Variants in ROBO2 observed in about 807,000 individuals in gnomAD.
ROBO2 encodes roundabout guidance receptor 2, also known as roundabout homolog 2.
Under a neutral mutation model 160.8 loss-of-function variants are expected in ROBO2, and 53 were observed. The ratio of observed to expected loss-of-function variants is 0.33; its 90% CI spans 0.26 to 0.41. ROBO2 has a LOEUF of 0.41. Among genes scored for constraint, ROBO2 ranks in the 10% least tolerant of loss-of-function variants. The pLI is 1.00. For synonymous variants in ROBO2, 664 were observed against 611.7 expected, an observed-to-expected ratio of 1.09 and a Z score of -1.26; for missense variants, 1,577 against 1,722.4, an observed-to-expected ratio of 0.92 and a Z score of 1.49.
intron 2 of ROBO2, among the ~76,000 whole-genome samples, chr3:76,174,618 GA>G (rs1176694806): frequency 3.2e-4 from 48 of 152,222 alleles, no homozygotes; most frequent in East Asian, 7.7e-4. Flanking sequence ...ATTAAATAGG[GA>G]ATCCTTTCCC....
intron 2 of ROBO2, among the ~76,000 whole-genome samples, chr3:77,220,372 T>C (rs766943318): frequency 9.9e-5 from 15 of 152,104 alleles, no homozygotes; most frequent in Non-Finnish European, 2.2e-4. Flanking sequence ...AAAAATTACA[T>C]TTTAACTGCA....
intron 2 of ROBO2, among the ~76,000 whole-genome samples, chr3:76,513,812 A>T (rs2081220851): frequency 6.6e-6 from 1 of 152,058 alleles, no homozygotes; most frequent in Admixed American, 6.6e-5. Flanking sequence ...CATCCTACCC[A>T]CTTCGGCCAA....
chr3:76,132,559 A>G (rs760991482), intron 2 of ROBO2, among the ~76,000 whole-genome samples: 2 of 152,108 alleles, frequency 1.3e-5, no homozygotes, highest in Admixed American at 6.6e-5. Context: ...TTCTGAAGGT[A>G]GCAGTTAAGT....
chr3:76,875,577 G>A (rs2072624648), intron 2 of ROBO2, among the ~76,000 whole-genome samples: 1 of 152,108 alleles, frequency 6.6e-6, no homozygotes, highest in African/African-American at 2.4e-5. Context: ...AGCCTCCAGA[G>A]GTCACCTGCT....
At chr3:76,507,322 G>A (rs766783770) in intron 2 of ROBO2, among the ~76,000 whole-genome samples, 13 of 151,784 alleles carry the variant, frequency 8.6e-5, no homozygotes, top group Non-Finnish European at 1.6e-4. Flanking sequence ...ATTTGATTAG[G>A]TTTTATAATT....
At chr3:75,971,899 C>A (rs1455965397) in intron 2 of ROBO2, among the ~76,000 whole-genome samples, 4 of 151,424 alleles carry the variant, frequency 2.6e-5, no homozygotes, top group Admixed American at 6.6e-5. Context: ...TCCACCTATC[C>A]AAAGTACATA....
At chr3:77,092,938 A>G (rs2070507119) in intron 1 of ROBO2, among the ~76,000 whole-genome samples, 1 of 151,928 alleles carries the variant, frequency 6.6e-6, no homozygotes, top group Non-Finnish European at 1.5e-5. Flanking sequence ...TGAACTTTGT[A>G]ATGGAAAATG....
chr3:75,945,247 G>A lies in ROBO2; in HGVS notation c.109+7645G>A, dbSNP rs564345514. ...AGTATCGTAAGTTAGATGGTGAAAAGTAATCCTGGATGGGGATCAGATTAT... is the reference window on the plus strand; with the variant it reads ...AGTATCGTAAGTTAGATGGTGAAAAATAATCCTGGATGGGGATCAGATTAT... On this transcript the variant is annotated intron_variant, in intron 2 of 26. Transcript: ENST00000487694. 7.4e-4 allele frequency among the ~76,000 whole-genome samples: 112 copies of A among 152,252 alleles called. 1 individual carries two copies. Among genetic ancestry groups the A allele is most frequent in the African/African-American group, 2.7e-3 (111 of 41,572 alleles).
At chr3:76,834,387 T>C (rs1419031426) in intron 2 of ROBO2, among the ~76,000 whole-genome samples, 2 of 151,682 alleles carry the variant, frequency 1.3e-5, no homozygotes, top group Admixed American at 1.3e-4. Context: ...ATTTTTGAGA[T>C]GAGGTCTCAC....
intron 2 of ROBO2, among the ~76,000 whole-genome samples, chr3:76,552,989 C>T (rs139163509): frequency 0.014 from 2,175 of 152,190 alleles, 26 homozygotes; most frequent in Middle Eastern, 0.058. Context: ...TCATTCCAGA[C>T]GCCCTGAATA....
intron 2 of ROBO2, among the ~76,000 whole-genome samples, chr3:77,246,178 A>T (rs1035225591): frequency 3.9e-5 from 6 of 152,164 alleles, no homozygotes; most frequent in African/African-American, 1.4e-4. Context: ...GTAAATGGAA[A>T]AGGAATAGTA....
At chr3:76,913,756 A>T (rs113230601) in intron 2 of ROBO2, among the ~76,000 whole-genome samples, 2 of 152,202 alleles carry the variant, frequency 1.3e-5, no homozygotes, top group African/African-American at 4.8e-5. Flanking sequence ...TTAGATGAGT[A>T]ACTGTGAATA....
intron 2 of ROBO2, among the ~76,000 whole-genome samples, chr3:76,154,772 C>A (rs1321312936): frequency 6.6e-6 from 1 of 152,122 alleles, no homozygotes; most frequent in Non-Finnish European, 1.5e-5. Flanking sequence ...ACCATCTTCT[C>A]AATTTTATTT....
chr3:76,360,582 A>G (rs956901229), intron 2 of ROBO2, among the ~76,000 whole-genome samples: 8 of 152,070 alleles, frequency 5.3e-5, no homozygotes, highest in Admixed American at 2.6e-4. Context: ...TCATCTAACA[A>G]TATCATCTGC....
chr3:77,029,705 G>A (rs1043523598), intron 2 of ROBO2, among the ~76,000 whole-genome samples: 2 of 152,010 alleles, frequency 1.3e-5, no homozygotes, highest in African/African-American at 2.4e-5. Flanking sequence ...ATTTTGATAT[G>A]ATCCTTATTA....
intron 2 of ROBO2, among the ~76,000 whole-genome samples, chr3:76,413,048 G>A (rs2075576491): frequency 6.6e-6 from 1 of 152,232 alleles, no homozygotes; most frequent in African/African-American, 2.4e-5. Context: ...TCAACACCAT[G>A]TGGAAGGTGC....
exon 1 of ROBO2, chr3:77,040,323 C>T: frequency 3.0e-6 from 3 of 994,754 alleles, no homozygotes; most frequent in Non-Finnish European, 2.4e-6. Context: ...AGAAGGAAAC[C>T]GGGGGAAAGA....
At chr3:76,948,766 C>T (rs1309995093) in intron 2 of ROBO2, among the ~76,000 whole-genome samples, 4 of 142,322 alleles carry the variant, frequency 2.8e-5, no homozygotes, top group African/African-American at 1.0e-4. Flanking sequence ...AGTGCAGTGG[C>T]GCGATCTTGG....
chr3:76,521,905 C>T (rs901098008), intron 2 of ROBO2, among the ~76,000 whole-genome samples: 3 of 152,194 alleles, frequency 2.0e-5, no homozygotes, highest in East Asian at 3.9e-4. Flanking sequence ...TTATAAGCCA[C>T]GTGGCAATAT....
Sources: gnomAD v4.1 joint callset for allele counts (sites outside exome capture counted in the v4.1 genomes callset) on GRCh38, gnomAD v4.1.1 for gene constraint, MANE v1.5 for transcripts, NCBI Gene and HGNC (gene_info 2026-07-23, HGNC 2026-07-21) for gene names.